RBFOX1: variants seen among roughly 807,000 people sequenced by gnomAD.
RBFOX1 encodes the protein RNA binding fox-1 homolog 1, also known as RNA binding protein fox-1 homolog 1.
In RBFOX1, 8 loss-of-function variants were observed where a neutral mutation model predicts 57.7. That is an observed-to-expected ratio of 0.14 (90% CI 0.08 to 0.25). RBFOX1 has a LOEUF of 0.25. Ranked by LOEUF, RBFOX1 falls within the 10% of genes least tolerant of loss-of-function variation. RBFOX1 has a pLI of 1.00. For missense variants in RBFOX1, 611 were observed against 548.5 expected, an observed-to-expected ratio of 1.11 and a Z score of -1.14; for synonymous variants, 326 against 222.4, an observed-to-expected ratio of 1.47 and a Z score of -4.15.
At chr16:5,521,179 A>G (rs910616823) in intron 2 of RBFOX1, among the ~76,000 whole-genome samples, 2 of 152,102 alleles carry the variant, frequency 1.3e-5, no homozygotes, top group Non-Finnish European at 2.9e-5. Flanking sequence ...CCTCCCTGAG[A>G]TGAGGAGTCA....
Position 6,449,768 on chromosome 16 carries a change from T to G in RBFOX1, c.-64+132711T>G, listed in dbSNP as rs184818095. ...AAGAAGGGGTACCTGGTGGCCCATA[T>G]TTTATTAGCAACGTACTGCAGCCTC... On this transcript the variant is annotated intron_variant, in intron 2 of 15. Transcript: ENST00000550418. Among the ~76,000 whole-genome samples, 84 of 152,330 alleles carry G rather than the reference T, an allele frequency of 5.5e-4. 1 individual carries two copies. The highest frequency in any genetic ancestry group is 2.0e-3 in the African/African-American group (82 of 41,570).
At chr16:6,719,890 C>G (rs777696432) in intron 3 of RBFOX1, among the ~76,000 whole-genome samples, 1 of 151,736 alleles carries the variant, frequency 6.6e-6, no homozygotes, top group Admixed American at 6.6e-5. Context: ...GTCAGGAGTT[C>G]GAGACCAGCC....
chr16:6,599,402 C>T (rs528285691), intron 2 of RBFOX1, among the ~76,000 whole-genome samples: 36 of 152,166 alleles, frequency 2.4e-4, no homozygotes, highest in Admixed American at 1.7e-3. Flanking sequence ...AGTTAAAGTA[C>T]TCTGGGAACA....
intron 3 of RBFOX1, among the ~76,000 whole-genome samples, chr16:6,848,849 C>G (rs1318246000): frequency 6.6e-6 from 1 of 152,148 alleles, no homozygotes; most frequent in Non-Finnish European, 1.5e-5. Context: ...GATAATGACC[C>G]AAATTCACTG....
At chr16:6,434,172 A>G (rs899893940) in intron 2 of RBFOX1, among the ~76,000 whole-genome samples, 6 of 152,130 alleles carry the variant, frequency 3.9e-5, no homozygotes, top group Non-Finnish European at 7.3e-5. Context: ...TTGTGATAAC[A>G]TAAGACACAC....
chr16:6,852,846 T>G (rs2094142446), intron 3 of RBFOX1, among the ~76,000 whole-genome samples: 1 of 150,946 alleles, frequency 6.6e-6, no homozygotes, highest in African/African-American at 2.4e-5. Flanking sequence ...GTGAGGTGCA[T>G]GCTGGGAACT....
At chr16:6,613,003 ATGTGTGTGTGTG>A (rs57236292) in intron 2 of RBFOX1, among the ~76,000 whole-genome samples, 5,620 of 143,210 alleles carry the variant, frequency 0.039, 281 homozygotes, top group South Asian at 0.22. Context: ...CAGTCCCAGC[ATGTGTGTGTGTG>A]TGTGTGTGTG....
chr16:5,717,241 G>C (rs74006225), intron 3 of RBFOX1, among the ~76,000 whole-genome samples: 112 of 152,174 alleles, frequency 7.4e-4, no homozygotes, highest in African/African-American at 2.5e-3. Flanking sequence ...GGATTTTCTT[G>C]TGTGATACAG....
chr16:6,489,627 A>T (rs191101492), intron 2 of RBFOX1, among the ~76,000 whole-genome samples: 3 of 152,154 alleles, frequency 2.0e-5, no homozygotes, highest in African/African-American at 2.4e-5. Context: ...TCTTCACCCG[A>T]GTTTTGAAAC....
chr16:6,353,974 C>T (rs890003919), intron 2 of RBFOX1, among the ~76,000 whole-genome samples: 3 of 152,138 alleles, frequency 2.0e-5, no homozygotes, highest in South Asian at 4.1e-4. Flanking sequence ...AGTCCCAGTA[C>T]TTTGGGACGC....
chr16:6,989,907 G>T (rs570411538), intron 3 of RBFOX1, among the ~76,000 whole-genome samples: 1 of 152,030 alleles, frequency 6.6e-6, no homozygotes, highest in South Asian at 2.1e-4. Context: ...AGTCTGAGAC[G>T]GGAGAATTGC....
intron 4 of RBFOX1, among the ~76,000 whole-genome samples, chr16:7,172,711 C>G (rs1487416417): frequency 6.6e-6 from 1 of 152,168 alleles, no homozygotes; most frequent in African/African-American, 2.4e-5. Context: ...TCTTGACACA[C>G]AATGATGAGT....
chr16:5,645,549 G>A (rs893478774), intron 3 of RBFOX1, among the ~76,000 whole-genome samples: 2 of 152,176 alleles, frequency 1.3e-5, no homozygotes, highest in Non-Finnish European at 2.9e-5. Flanking sequence ...TTCTATTTAT[G>A]TAAATTGTTA....
chr16:6,968,136 C>G (rs2084702918), intron 3 of RBFOX1, among the ~76,000 whole-genome samples: 1 of 152,136 alleles, frequency 6.6e-6, no homozygotes, highest in African/African-American at 2.4e-5. Flanking sequence ...ACAGACACCA[C>G]CGCTAGACTC....
chr16:6,450,777 A>ACATATATATATG (rs1349145162), intron 2 of RBFOX1, among the ~76,000 whole-genome samples: 1 of 39,526 alleles, frequency 2.5e-5, no homozygotes, highest in Non-Finnish European at 4.5e-5. Context: ...GTATATATAT[A>ACATATATATATG]TATATATATA....
intron 4 of RBFOX1, among the ~76,000 whole-genome samples, chr16:7,268,918 TC>T (rs1351527412): frequency 6.6e-6 from 1 of 151,626 alleles, no homozygotes; most frequent in Non-Finnish European, 1.5e-5. Flanking sequence ...ATGCCTGCAA[TC>T]CCAGCTACTC....
intron 1 of RBFOX1, among the ~76,000 whole-genome samples, chr16:5,296,383 C>T (rs1038667730): frequency 1.3e-5 from 2 of 152,106 alleles, no homozygotes; most frequent in African/African-American, 4.8e-5. Context: ...ATCCTCACTG[C>T]ATTCAAATTT....
At chr16:5,376,977 C>A (rs2066001778) in intron 1 of RBFOX1, among the ~76,000 whole-genome samples, 1 of 151,600 alleles carries the variant, frequency 6.6e-6, no homozygotes, top group South Asian at 2.1e-4. Context: ...CTCTTCTGCA[C>A]TCAGGGGCTT....
intron 4 of RBFOX1, among the ~76,000 whole-genome samples, chr16:5,923,460 C>T (rs1567152314): frequency 2.0e-5 from 3 of 151,686 alleles, no homozygotes; most frequent in Admixed American, 1.3e-4. Context: ...GGAGCAGCTC[C>T]CTGAAGGCTC....
Sources: gnomAD v4.1 joint callset for allele counts (sites outside exome capture counted in the v4.1 genomes callset) on GRCh38, gnomAD v4.1.1 for gene constraint, MANE v1.5 for transcripts, NCBI Gene and HGNC (gene_info 2026-07-23, HGNC 2026-07-21) for gene names.